SBF2: variants seen among roughly 807,000 people sequenced by gnomAD.
SBF2 encodes the protein SET binding factor 2, also known as myotubularin-related protein 13.
SBF2 carries 112 observed loss-of-function variants against 225.2 expected under a neutral mutation model. The ratio of observed to expected loss-of-function variants is 0.50; its 90% CI spans 0.43 to 0.58. The LOEUF (loss-of-function observed/expected upper bound fraction) is 0.58, where lower values mean the gene tolerates loss of function less well. Ranked by LOEUF, SBF2 falls within the 20% of genes least tolerant of loss-of-function variation. SBF2 has a pLI of 0.00. For synonymous variants in SBF2, 763 were observed against 773.3 expected (o/e 0.99, Z 0.22); for missense variants, 1,996 against 2,206.2 (o/e 0.90, Z 1.91).
Position 9,892,840 on chromosome 11 carries a change from T to G in SBF2, c.1929+3103A>C, listed in dbSNP as rs545285322. On this transcript the variant is annotated intron_variant, in intron 17 of 39. Transcript: ENST00000256190. ...TCCCAAAGTTTTGGGATTACAGGCATGAGCCACCGTACCCGGTATATACAT... is the reference window on the plus strand; with the variant it reads ...TCCCAAAGTTTTGGGATTACAGGCAGGAGCCACCGTACCCGGTATATACAT... 5.3e-5 allele frequency among the ~76,000 whole-genome samples: 8 copies of G among 151,890 alleles called. No individual in the cohort carries two copies. In the South Asian group the frequency reaches 1.7e-3, roughly 32 times the overall value.
intron 1 of SBF2, among the ~76,000 whole-genome samples, chr11:10,304,029 T>A (rs1327968730): frequency 6.6e-6 from 1 of 151,960 alleles, no homozygotes; most frequent in Non-Finnish European, 1.5e-5. Flanking sequence ...TCGGGCCGAG[T>A]AGGGACTCTG....
At position 10,202,745 on chromosome 11, in the gene SBF2, G is replaced by A. The variant is rs377301315; in HGVS notation, c.56-8758C>T. Among the ~76,000 whole-genome samples the A allele has an allele frequency of 9.9e-5, 15 of 152,138 alleles. No individual in the cohort carries two copies. The East Asian group carries it at 1.2e-3, about 12-fold the overall frequency. On this transcript the variant is annotated intron_variant, in intron 1 of 39. Transcript: ENST00000256190. ...GGAGCTTGCAGTGAGCTGAGATTGC[G>A]CCACTGCACTCCAGCCTGGGTGACA... is the stretch of plus-strand genomic sequence containing the variant.
intron 1 of SBF2, among the ~76,000 whole-genome samples, chr11:10,284,829 G>A (rs1458615256): frequency 6.6e-6 from 1 of 151,324 alleles, no homozygotes; most frequent in African/African-American, 2.4e-5. Context: ...TCACTATGTT[G>A]CCTAGACTGG....
intron 17 of SBF2, among the ~76,000 whole-genome samples, chr11:9,874,915 G>C (rs1859090971): frequency 6.6e-6 from 1 of 152,210 alleles, no homozygotes; most frequent in Non-Finnish European, 1.5e-5. Flanking sequence ...TATATGAAGA[G>C]AAAGGAGACC....
At chr11:9,904,695 T>C (rs1331865039) in intron 16 of SBF2, among the ~76,000 whole-genome samples, 4 of 152,188 alleles carry the variant, frequency 2.6e-5, no homozygotes, top group Non-Finnish European at 5.9e-5. Context: ...ACTGTTCACA[T>C]GGATTTAAAA....
intron 16 of SBF2, among the ~76,000 whole-genome samples, chr11:9,941,847 G>A (rs376047280): frequency 6.6e-6 from 1 of 152,002 alleles, no homozygotes; most frequent in Non-Finnish European, 1.5e-5. Flanking sequence ...TCCTATTACT[G>A]GATGATATGA....
chr11:9,893,430 C>T (rs899207469), intron 17 of SBF2, among the ~76,000 whole-genome samples: 1 of 152,160 alleles, frequency 6.6e-6, no homozygotes, highest in African/African-American at 2.4e-5. Flanking sequence ...TTCTCCTTTG[C>T]CAAAATGCAG....
At chr11:9,867,692 A>C (rs1243898840) in intron 17 of SBF2, among the ~76,000 whole-genome samples, 1 of 152,230 alleles carries the variant, frequency 6.6e-6, no homozygotes, top group Non-Finnish European at 1.5e-5. Flanking sequence ...AGCCATAAAA[A>C]AGAATGAAAT....
At position 9,778,710 on chromosome 11, in the gene SBF2, A is replaced by G. The variant is rs1851859499; in HGVS notation, c.*1708T>C. On this transcript the variant is annotated 3_prime_UTR_variant, in exon 40 of 40. Transcript: ENST00000256190. ...TATTCTTGAACCTTTAGTCCCATGT[A>G]TGAATCCTGAGTGTTACCCTCCTGA... 1.3e-5 allele frequency: 2 copies of G among 152,648 alleles called. No homozygotes were observed. Among genetic ancestry groups the G allele is most frequent in the Admixed American group, 6.5e-5 (1 of 15,284 alleles). 9.5% of individuals were successfully genotyped at this position (152,648 alleles called of 1,614,324 possible). A position where few individuals can be genotyped will look rare whatever the true frequency, so the allele number is the denominator to read the frequency against.
chr11:10,159,444 A>G (rs55893317), intron 2 of SBF2, among the ~76,000 whole-genome samples: 38,419 of 152,090 alleles, frequency 0.25, 4,998 homozygotes, highest in Middle Eastern at 0.32. Context: ...TGCACTTGAC[A>G]GATCAGCTGG....
chr11:10,028,553 A>G lies in SBF2; in HGVS notation c.518T>C (p.Leu173Pro). 1 of 1,603,864 alleles carries G rather than the reference A, an allele frequency of 6.2e-7. No homozygotes were observed. Among genetic ancestry groups the G allele is most frequent in the Middle Eastern group, 1.7e-4 (1 of 6,042 alleles). ...LVPAAGGSQKLFSLGAGDRQL... is the reference protein window; with the variant it reads ...LVPAAGGSQKPFSLGAGDRQL... ...TCTATCTCCTGCACCCAAAGAAAACAGCTTCTGCAGAATGGGAGAAACACA... is the reference window on the plus strand; with the variant it reads ...TCTATCTCCTGCACCCAAAGAAAACGGCTTCTGCAGAATGGGAGAAACACA... Residue 173 changes from leucine (L) to proline (P), a missense_variant, in exon 6 of 40, where the codon CTG becomes CCG. Transcript: ENST00000256190.
At chr11:10,132,006 C>T (rs570187817) in intron 2 of SBF2, among the ~76,000 whole-genome samples, 1 of 152,270 alleles carries the variant, frequency 6.6e-6, no homozygotes, top group African/African-American at 2.4e-5. Context: ...AGTCTATTAT[C>T]CATTTTGAGT....
chr11:9,799,633 G>A (rs553831319), intron 32 of SBF2, among the ~76,000 whole-genome samples: 1 of 152,264 alleles, frequency 6.6e-6, no homozygotes, highest in East Asian at 1.9e-4. Context: ...TTTAGAATCC[G>A]ACATTAAGAA....
At chr11:9,836,881 G>T (rs1000018250) in intron 26 of SBF2, among the ~76,000 whole-genome samples, 4 of 152,022 alleles carry the variant, frequency 2.6e-5, no homozygotes, top group African/African-American at 9.7e-5. Flanking sequence ...ATTTCATTTT[G>T]TAATAATGTT....
At position 9,780,271 on chromosome 11, in the gene SBF2, T is replaced by A; in HGVS notation, c.*147A>T. 1.4e-6 allele frequency: 1 copy of A among 720,462 alleles called. No homozygotes were observed. Among genetic ancestry groups the A allele is most frequent in the Non-Finnish European group, 2.5e-6 (1 of 405,488 alleles). The allele number at this position is 720,462 out of a possible 1,614,324, so 44.6% of individuals were successfully genotyped here. On this transcript the variant is annotated 3_prime_UTR_variant, in exon 40 of 40. Coordinates refer to ENST00000256190, the MANE Select transcript of SBF2 (RefSeq NM_030962.4). ...AACACCTATTCAGGTTAAGTAGATA[T>A]AGCAACCCCTGCAAGAGGGGACTGG... is the stretch of plus-strand genomic sequence containing the variant.
chr11:10,194,700 G>T (rs990520813), intron 1 of SBF2, among the ~76,000 whole-genome samples: 3 of 152,094 alleles, frequency 2.0e-5, no homozygotes, highest in African/African-American at 7.2e-5. Context: ...TAGTAGAGAT[G>T]GGGTTTCACT....
At chr11:9,794,878 T>G (rs565639650) in intron 33 of SBF2, among the ~76,000 whole-genome samples, 3 of 152,168 alleles carry the variant, frequency 2.0e-5, no homozygotes, top group Admixed American at 6.5e-5. Flanking sequence ...ACCAGTGCTC[T>G]TTCCCTTATC....
chr11:9,889,705 A>C (rs1428205465), intron 17 of SBF2, among the ~76,000 whole-genome samples: 4 of 152,174 alleles, frequency 2.6e-5, no homozygotes, highest in Non-Finnish European at 5.9e-5. Flanking sequence ...GTGAGCCTCA[A>C]AACCTTTATG....
rs1053308627 is a variant in SBF2, at chr11:9,912,361, C to T, written c.1861-16350G>A. 6.0e-5 allele frequency among the ~76,000 whole-genome samples: 9 copies of T among 151,134 alleles called. No individual in the cohort carries two copies. In the South Asian group the frequency reaches 6.3e-4, roughly 11 times the overall value. ...CAGCACTTTGGAAGGCTAAGGCAGGCGAATCACAAGGTCAGGAGTTCAAGA... is the reference window on the plus strand; with the variant it reads ...CAGCACTTTGGAAGGCTAAGGCAGGTGAATCACAAGGTCAGGAGTTCAAGA... On this transcript the variant is annotated intron_variant, in intron 16 of 39. Transcript: ENST00000256190.
Sources: gnomAD v4.1 joint callset for allele counts (sites outside exome capture counted in the v4.1 genomes callset) on GRCh38, gnomAD v4.1.1 for gene constraint, MANE v1.5 for transcripts, NCBI Gene and HGNC (gene_info 2026-07-23, HGNC 2026-07-21) for gene names.